Variants in ARMCX4 observed in about 807,000 individuals in gnomAD.
The protein encoded by ARMCX4 is armadillo repeat containing X-linked 4.
Under a neutral mutation model 34.7 loss-of-function variants are expected in ARMCX4, and 3 were observed. The observed-to-expected ratio is 0.09, with a 90% CI of 0.04 to 0.22. The LOEUF (loss-of-function observed/expected upper bound fraction) is 0.22. ARMCX4 is among the 10% of genes least tolerant of loss of function. The pLI is 1.00. For missense variants in ARMCX4, 1,448 were observed against 1,720.8 expected (o/e 0.84, Z 2.81); for synonymous variants, 513 against 632.8 (o/e 0.81, Z 2.84).
chrX:101,514,106 G>T lies in ARMCX4; in HGVS notation c.*1780+3051G>T, dbSNP rs144536812. Among the ~76,000 whole-genome samples, 891 of 111,266 alleles carry T rather than the reference G, an allele frequency of 8.0e-3. 39 individuals are homozygous for T. The East Asian group carries it at 0.17, about 21-fold the overall frequency. On this transcript the variant is annotated intron_variant and NMD_transcript_variant, in intron 11 of 12. Coordinates refer to the ARMCX4 transcript ENST00000354842. ...TCATAGGCATGAGAAGCCCAAAGTG[G>T]CCTGGTGGCAGTCTTAACTTCAATG...
chrX:101,484,626 T>C (rs1157285823), upstream of ARMCX4, among the ~76,000 whole-genome samples: 3 of 112,322 alleles, frequency 2.7e-5, no homozygotes, highest in East Asian at 8.3e-4. Flanking sequence ...TGTAAAATTG[T>C]CAATATTAGA....
chrX:101,532,807 T>G (rs1935155956), intron 12 of ARMCX4: 1 of 111,760 alleles, frequency 8.9e-6, no homozygotes, highest in Non-Finnish European at 1.9e-5. Context: ...ATTTTTCTCT[T>G]CCTTTCCTCT....
rs1934046019 is a variant in ARMCX4, at chrX:101,493,081, T to C, written c.4492T>C (p.Ser1498Pro). The change falls in exon 6 of 6, where the codon TCC (serine) becomes CCC (proline). Residue 1498 changes from serine to proline, a missense_variant. Physicochemically the swap from Ser to Pro is moderately conservative, Grantham distance 74. Around this residue, in one of 2 missense-constraint regions of ARMCX4, gnomAD observed 1,343 missense variants for 1,540.7 expected, o/e 0.87. Coordinates refer to ENST00000423738, the MANE Select transcript of ARMCX4 (RefSeq NM_001256155.3). Reference sequence around the variant, plus strand: ...GCTTAGGGACCAGTCTAGTGGAGATTCCTGGGCTGGCACTGGGGACCAGGC... The same window carrying C: ...GCTTAGGGACCAGTCTAGTGGAGATCCCTGGGCTGGCACTGGGGACCAGGC... Reference protein sequence around the residue: ...LGLRDQSSGDSWAGTGDQASG... With the variant: ...LGLRDQSSGDPWAGTGDQASG... 2.6e-6 allele frequency: 3 copies of C among 1,153,042 alleles called. No individual in the cohort carries two copies. Among genetic ancestry groups the C allele is most frequent in the Admixed American group, 2.6e-5 (1 of 38,530 alleles).
chrX:101,455,020 T>A (rs1358729034), intron 4 of ARMCX4, among the ~76,000 whole-genome samples: 1 of 111,707 alleles, frequency 9.0e-6, no homozygotes, highest in Admixed American at 9.6e-5. Flanking sequence ...CCTAATATTA[T>A]CACACTGGGC....
intron 1 of ARMCX4, chrX:101,418,497 G>A (rs1929028005): frequency 8.9e-6 from 1 of 112,917 alleles, no homozygotes; most frequent in South Asian, 3.6e-4. Flanking sequence ...AGGCCCTTCG[G>A]GCTCTTTTCG....
chrX:101,480,157 C>CAGAG (rs782131922), intron 4 of ARMCX4, among the ~76,000 whole-genome samples: 1 of 104,612 alleles, frequency 9.6e-6, no homozygotes, highest in African/African-American at 3.5e-5. Context: ...CACACACACA[C>CAGAG]ACACACACAC....
At position 101,489,466 on chromosome X, in the gene ARMCX4, A is replaced by G; in HGVS notation, c.877A>G (p.Met293Val). Residue 293 changes from methionine to valine, a missense_variant, in exon 6 of 6, where the codon ATG becomes GTG. By Grantham distance (21) the Met-to-Val change is conservative. Coordinates refer to ENST00000423738, the MANE Select transcript of ARMCX4 (RefSeq NM_001256155.3). The part of the protein sequence containing the change: ...QAVTKIQGDD[M>V]PGTGVEDMGN... Reference sequence around the variant, plus strand: ...TGTGACCAAGATCCAGGGTGATGACATGCCTGGTACTGGGGTTGAGGACAT... The same window carrying G: ...TGTGACCAAGATCCAGGGTGATGACGTGCCTGGTACTGGGGTTGAGGACAT... The G allele has an allele frequency of 1.7e-6, 2 of 1,154,940 alleles. No individual in the cohort carries two copies. Among genetic ancestry groups the G allele is most frequent in the Non-Finnish European group, 2.3e-6 (2 of 872,077 alleles).
chrX:101,441,291 C>T (rs1286221091), intron 2 of ARMCX4, among the ~76,000 whole-genome samples: 2 of 111,208 alleles, frequency 1.8e-5, no homozygotes, highest in African/African-American at 6.5e-5. Flanking sequence ...TAGAAGTTCA[C>T]ATAACTGCTA....
At chrX:101,501,366 A>G (rs1934295520) in intron 7 of ARMCX4, among the ~76,000 whole-genome samples, 1 of 113,062 alleles carries the variant, frequency 8.8e-6, no homozygotes, top group Non-Finnish European at 1.9e-5. Flanking sequence ...GGCTTCACTC[A>G]GGAAAGAATT....
At chrX:101,418,565 C>A (rs1417097586) in intron 1 of ARMCX4, among the ~76,000 whole-genome samples, 4 of 111,697 alleles carry the variant, frequency 3.6e-5, no homozygotes, top group Non-Finnish European at 7.6e-5. Flanking sequence ...CCTAGTCGTG[C>A]GACAGGAGAA....
At chrX:101,482,890 C>CTTTTT (rs36075508), upstream of ARMCX4, among the ~76,000 whole-genome samples, 28 of 54,734 alleles carry the variant, frequency 5.1e-4, no homozygotes, top group Non-Finnish European at 7.2e-4. Flanking sequence ...TTGCGTCAGG[C>CTTTTT]TTTTTTTTTT....
chrX:101,507,527 A>G (rs1224307730), intron 8 of ARMCX4, among the ~76,000 whole-genome samples: 2 of 111,233 alleles, frequency 1.8e-5, no homozygotes, highest in Non-Finnish European at 3.8e-5. Context: ...ATGTACAGCT[A>G]TTGTCCTAGA....
chrX:101,435,151 C>T (rs1420415651), intron 2 of ARMCX4, among the ~76,000 whole-genome samples: 1 of 111,399 alleles, frequency 9.0e-6, no homozygotes, highest in African/African-American at 3.3e-5. Context: ...GGGTATATAC[C>T]CAGTAATGGG....
At chrX:101,468,089 G>A (rs1932824850) in intron 4 of ARMCX4, among the ~76,000 whole-genome samples, 1 of 110,156 alleles carries the variant, frequency 9.1e-6, no homozygotes, top group African/African-American at 3.3e-5. Context: ...AAAGTATATG[G>A]CATTTAGTTA....
chrX:101,438,030 C>G (rs1555995508), intron 2 of ARMCX4, among the ~76,000 whole-genome samples: 1 of 111,074 alleles, frequency 9.0e-6, no homozygotes, highest in Non-Finnish European at 1.9e-5. Flanking sequence ...TTATAACAAA[C>G]TTGTTATAAT....
At position 101,493,813 on chromosome X, in the gene ARMCX4, G is replaced by A. The variant is rs1556010546; in HGVS notation, c.5224G>A (p.Val1742Ile). ...GFWFGPGAEA[V>I]IGSWCWTEEK... ...CTGGTTTGGGCCTGGAGCTGAGGCC[G>A]TTATAGGGTCTTGGTGCTGGACAGA... Residue 1742 changes from valine (V) to isoleucine (I), a missense_variant, in exon 6 of 6, where the codon GTT becomes ATT. Physicochemically the swap from Val to Ile is conservative, Grantham distance 29. Around this residue, in one of 2 missense-constraint regions of ARMCX4, gnomAD observed 1,343 missense variants for 1,540.7 expected, o/e 0.87. Coordinates refer to ENST00000423738, the MANE Select transcript of ARMCX4 (RefSeq NM_001256155.3). 2.2e-5 allele frequency: 25 copies of A among 1,153,896 alleles called. No homozygotes were observed. Among genetic ancestry groups the A allele is most frequent in the Non-Finnish European group, 2.8e-5 (24 of 872,330 alleles).
Position 101,488,505 on chromosome X carries a change from C to A in ARMCX4, c.-85C>A. 1 of 1,149,290 alleles carries A rather than the reference C, an allele frequency of 8.7e-7. No homozygotes were observed. The highest frequency in any genetic ancestry group is 1.2e-6 in the Non-Finnish European group (1 of 869,073). 94.7% of individuals were successfully genotyped at this position (1,149,290 alleles called of 1,213,427 possible). On this transcript the variant is annotated 5_prime_UTR_variant, in exon 6 of 6. Coordinates refer to ENST00000423738, the MANE Select transcript of ARMCX4 (RefSeq NM_001256155.3). ...GGCTGAAGACCAGCACCCTCACAGG[C>A]CTACACCCACAACTACCACTCTCTT...
At chrX:101,510,746 C>T (rs1230794852) in intron 10 of ARMCX4, among the ~76,000 whole-genome samples, 1 of 111,009 alleles carries the variant, frequency 9.0e-6, no homozygotes, top group African/African-American at 3.3e-5. Context: ...TTTTATTGTA[C>T]CTTTAAATAT....
chrX:101,528,034 A>G (rs1935020687), intron 11 of ARMCX4, among the ~76,000 whole-genome samples: 1 of 111,890 alleles, frequency 8.9e-6, no homozygotes, highest in Non-Finnish European at 1.9e-5. Flanking sequence ...CACACAAAAA[A>G]GAGAATTTTA....
Sources: allele counts gnomAD v4.1 joint callset (sites outside exome capture counted in the v4.1 genomes callset), GRCh38; gene constraint gnomAD v4.1.1; regional missense constraint gnomAD v4.1.1; transcripts MANE v1.5; gene names NCBI Gene and HGNC (gene_info 2026-07-23, HGNC 2026-07-21).